COG5: variants seen among roughly 807,000 people sequenced by gnomAD.
The protein encoded by COG5 is component of oligomeric golgi complex 5.
Under a neutral mutation model 110.4 loss-of-function variants are expected in COG5, and 86 were observed. The ratio of observed to expected loss-of-function variants is 0.78; its 90% CI spans 0.65 to 0.93. COG5 has a LOEUF of 0.93. Ranked by LOEUF, COG5 falls within the 40% of genes least tolerant of loss-of-function variation. COG5 has a pLI of 0.00. For synonymous variants in COG5, 360 were observed against 334.6 expected, an observed-to-expected ratio of 1.08 and a Z score of -0.83; for missense variants, 1,077 against 987.0, an observed-to-expected ratio of 1.09 and a Z score of -1.22.
rs1814029901 is a variant in COG5, at chr7:107,370,378, A to T, written c.835+2217T>A. ...GGAAGTTACTGACCTCATGCCCATCATTCTTGAATATTTTAATGTGTATTT... is the reference window on the plus strand; with the variant it reads ...GGAAGTTACTGACCTCATGCCCATCTTTCTTGAATATTTTAATGTGTATTT... On this transcript the variant is annotated intron_variant, in intron 8 of 21. Transcript: ENST00000297135. Among the ~76,000 whole-genome samples, 2 of 152,200 alleles carry T rather than the reference A, an allele frequency of 1.3e-5. 1 individual carries two copies. Among genetic ancestry groups the T allele is most frequent in the African/African-American group, 4.8e-5 (2 of 41,442 alleles).
At chr7:107,345,052 G>A (rs1447022938) in intron 10 of COG5, among the ~76,000 whole-genome samples, 1 of 152,158 alleles carries the variant, frequency 6.6e-6, no homozygotes, top group East Asian at 1.9e-4. Flanking sequence ...AGAGGTCACT[G>A]TAGGGTTATT....
chr7:107,459,326 A>G (rs1795850125), intron 6 of COG5, among the ~76,000 whole-genome samples: 1 of 152,190 alleles, frequency 6.6e-6, no homozygotes, highest in Non-Finnish European at 1.5e-5. Flanking sequence ...AAGGATTATC[A>G]TTGAGCACAA....
chr7:107,524,760 A>C (rs1800603887), intron 6 of COG5, among the ~76,000 whole-genome samples: 1 of 152,198 alleles, frequency 6.6e-6, no homozygotes, highest in Non-Finnish European at 1.5e-5. Flanking sequence ...AACACAATCC[A>C]CTTTGAGATC....
Position 107,274,243 on chromosome 7 carries a change from T to C in COG5, c.1575+7057A>G, listed in dbSNP as rs190639842. Among the ~76,000 whole-genome samples, 6 of 152,214 alleles carry C rather than the reference T, an allele frequency of 3.9e-5. No homozygotes were observed. The East Asian group carries it at 5.8e-4, about 15-fold the overall frequency. ...TAGGAGTTTGGGGCTTTAGAGAACATTGGTTGCACCTGTGAATACGCCCTG... is the reference window on the plus strand; with the variant it reads ...TAGGAGTTTGGGGCTTTAGAGAACACTGGTTGCACCTGTGAATACGCCCTG... On this transcript the variant is annotated intron_variant, in intron 14 of 21. Transcript: ENST00000297135.
At chr7:107,510,390 T>A (rs1799406175) in intron 6 of COG5, among the ~76,000 whole-genome samples, 1 of 152,190 alleles carries the variant, frequency 6.6e-6, no homozygotes, top group Admixed American at 6.5e-5. Context: ...CAACCCAGAT[T>A]CATAAAGCAA....
chr7:107,429,579 C>G (rs943145737), intron 6 of COG5, among the ~76,000 whole-genome samples: 5 of 151,978 alleles, frequency 3.3e-5, no homozygotes, highest in Non-Finnish European at 7.4e-5. Context: ...AGGACTGTGT[C>G]TGGCTTTTGC....
At chr7:107,504,133 T>C (rs184659266) in intron 6 of COG5, among the ~76,000 whole-genome samples, 2 of 152,284 alleles carry the variant, frequency 1.3e-5, no homozygotes, top group Non-Finnish European at 2.9e-5. Context: ...GGCTGTGGGT[T>C]TGTCATATAT....
At chr7:107,410,506 G>T (rs879565199) in intron 7 of COG5, among the ~76,000 whole-genome samples, 4 of 152,062 alleles carry the variant, frequency 2.6e-5, no homozygotes, top group Non-Finnish European at 5.9e-5. Flanking sequence ...GTGATGGCAG[G>T]ATCTCGGCTC....
In COG5 at chr7:107,441,684, T is replaced by C. The variant is rs543815374; in HGVS notation, c.539-29052A>G. ...ATAACATATTTTCTAACCTTCCAAATTGTAAATAACTTATCCATCTTCTGA... is the reference window on the plus strand; with the variant it reads ...ATAACATATTTTCTAACCTTCCAAACTGTAAATAACTTATCCATCTTCTGA... On this transcript the variant is annotated intron_variant, in intron 6 of 21. Transcript: ENST00000297135. Among the ~76,000 whole-genome samples, 6 of 152,332 alleles carry C rather than the reference T, an allele frequency of 3.9e-5. No homozygotes were observed. In the South Asian group the frequency reaches 6.2e-4, roughly 16 times the overall value.
At chr7:107,494,189 G>C (rs1274438948) in intron 6 of COG5, among the ~76,000 whole-genome samples, 1 of 152,088 alleles carries the variant, frequency 6.6e-6, no homozygotes, top group Non-Finnish European at 1.5e-5. Flanking sequence ...TTATCAAAGT[G>C]ATTTAAATTT....
At chr7:107,346,526 T>C (rs1333333415) in intron 10 of COG5, among the ~76,000 whole-genome samples, 1 of 152,126 alleles carries the variant, frequency 6.6e-6, no homozygotes, top group Admixed American at 6.5e-5. Context: ...GGTCATACGG[T>C]GATTTTTTTT....
chr7:107,465,373 A>G (rs1286966427), intron 6 of COG5, among the ~76,000 whole-genome samples: 1 of 152,206 alleles, frequency 6.6e-6, no homozygotes, highest in Non-Finnish European at 1.5e-5. Context: ...CTGAAGAAAT[A>G]ATTAAATACA....
chr7:107,434,468 A>T (rs1445900523), intron 6 of COG5, among the ~76,000 whole-genome samples: 1 of 152,204 alleles, frequency 6.6e-6, no homozygotes, highest in Non-Finnish European at 1.5e-5. Flanking sequence ...TGTGGTATAT[A>T]CACTGGGTAC....
chr7:107,336,727 C>T (rs913185344), intron 10 of COG5, among the ~76,000 whole-genome samples: 3 of 152,108 alleles, frequency 2.0e-5, no homozygotes, highest in African/African-American at 7.2e-5. Context: ...AAGTCACTGA[C>T]AGGGTTTTTG....
At chr7:107,522,919 T>C (rs1321025022) in intron 6 of COG5, among the ~76,000 whole-genome samples, 2 of 152,256 alleles carry the variant, frequency 1.3e-5, no homozygotes, top group African/African-American at 4.8e-5. Flanking sequence ...CAAGGAGTCT[T>C]TGTAATAAGT....
intron 6 of COG5, among the ~76,000 whole-genome samples, chr7:107,512,966 C>T (rs1165690886): frequency 6.6e-6 from 1 of 151,996 alleles, no homozygotes; most frequent in Non-Finnish European, 1.5e-5. Context: ...CTAGGCAATA[C>T]CATTCAGGAT....
intron 6 of COG5, among the ~76,000 whole-genome samples, chr7:107,490,474 T>C (rs930582992): frequency 3.3e-5 from 5 of 152,168 alleles, no homozygotes; most frequent in Non-Finnish European, 7.4e-5. Context: ...GGATGGGGAA[T>C]AGTATTTTTG....
rs772024182 is a variant in COG5, at chr7:107,211,132, C to T, written c.2262G>A (p.Thr754=). 3.7e-6 allele frequency: 6 copies of T among 1,614,018 alleles called. No homozygotes were observed. In the East Asian group the frequency reaches 6.7e-5, roughly 18 times the overall value. ...GAGATTTCAGTTCAGCGGGTGCTCT[C>T]GTGAACAAAAACTGAATAATGATGC... is the stretch of plus-strand genomic sequence containing the variant. The part of the protein sequence containing the change: ...PFSIIIQFLF[T]RAPAELKSPF... Residue 754 remains threonine (T), a synonymous_variant, in exon 20 of 22, where the codon ACG becomes ACA. Coordinates refer to ENST00000297135, the MANE Select transcript of COG5 (RefSeq NM_006348.5).
chr7:107,332,424 G>T (rs1810334031), intron 10 of COG5, among the ~76,000 whole-genome samples: 1 of 152,086 alleles, frequency 6.6e-6, no homozygotes, highest in Non-Finnish European at 1.5e-5. Flanking sequence ...CAGGTACATA[G>T]GTATTCACTG....
Sources: allele counts gnomAD v4.1 joint callset (sites outside exome capture counted in the v4.1 genomes callset), GRCh38; gene constraint gnomAD v4.1.1; transcripts MANE v1.5; gene names NCBI Gene and HGNC (gene_info 2026-07-23, HGNC 2026-07-21).